Variants in ACTN1 observed in about 807,000 individuals in gnomAD.
ACTN1 encodes actinin alpha 1, also known as alpha-actinin-1.
Under a neutral mutation model 119.6 loss-of-function variants are expected in ACTN1, and 30 were observed. The observed-to-expected ratio is 0.25, with a 90% CI of 0.19 to 0.34. The LOEUF is 0.34. Among genes scored for constraint, ACTN1 ranks in the 10% least tolerant of loss-of-function variants. ACTN1 has a pLI of 1.00. For synonymous variants in ACTN1, 429 were observed against 472.6 expected (o/e 0.91, Z 1.20); for missense variants, 764 against 1,223.4 (o/e 0.62, Z 5.60).
intron 4 of ACTN1, among the ~76,000 whole-genome samples, chr14:68,910,654 AC>A (rs745781267): frequency 2.1e-5 from 3 of 144,002 alleles, no homozygotes; most frequent in South Asian, 2.6e-4. Flanking sequence ...AAACCACACT[AC>A]CCCCCTGCTA....
intron 8 of ACTN1, among the ~76,000 whole-genome samples, chr14:68,896,982 GTTTGTTTT>G (rs2032925723): frequency 6.6e-6 from 1 of 152,038 alleles, no homozygotes; most frequent in Non-Finnish European, 1.5e-5. Context: ...TGGTTGTTTT[GTTTGTTTT>G]TTTGTTTTTT....
rs139710798 is a variant in ACTN1, at chr14:68,892,254, C to A, written c.885G>T (p.Pro295=). 5.0e-6 allele frequency: 8 copies of A among 1,613,480 alleles called. No homozygotes were observed. The South Asian group carries it at 6.6e-5, about 13-fold the overall frequency. The change falls in exon 10 of 22, where the codon CCG becomes CCT. Residue 295 remains proline, a synonymous_variant. Coordinates refer to ENST00000394419, the MANE Select transcript of ACTN1 (RefSeq NM_001130004.2). ...TCTCGGGCACCCGGTTCTCCAGCCACGGGATTGTGCGGCGGATCCACTCCA... is the reference window on the plus strand; with the variant it reads ...TCTCGGGCACCCGGTTCTCCAGCCAAGGGATTGTGCGGCGGATCCACTCCA... The part of the protein sequence containing the change: ...DLLEWIRRTI[P]WLENRVPENT...
Position 68,874,827 on chromosome 14 carries a change from C to T in ACTN1, c.*32G>A, listed in dbSNP as rs149327982. ...GGCGGAGGTGCAAGGCAGGGCACGG[C>T]GCACAAGACGAGGGCGGCCGGGCGG... On this transcript the variant is annotated 3_prime_UTR_variant, in exon 22 of 22. Coordinates refer to ENST00000394419, the MANE Select transcript of ACTN1 (RefSeq NM_001130004.2). The T allele has an allele frequency of 1.3e-6, 2 of 1,532,726 alleles. No individual in the cohort carries two copies. Among genetic ancestry groups the T allele is most frequent in the African/African-American group, 1.4e-5 (1 of 73,322 alleles). The allele number at this position is 1,532,726 out of a possible 1,614,324, so 94.9% of individuals were successfully genotyped here.
Position 68,874,841 on chromosome 14 carries a change from G to A in ACTN1, c.*18C>T, listed in dbSNP as rs1161367087. ...GCAGGGCACGGCGCACAAGACGAGG[G>A]CGGCCGGGCGGGGTGGATTAGAGGT... On this transcript the variant is annotated 3_prime_UTR_variant, in exon 22 of 22. Coordinates refer to ENST00000394419, the MANE Select transcript of ACTN1 (RefSeq NM_001130004.2). 3 of 1,551,962 alleles carry A rather than the reference G, an allele frequency of 1.9e-6. No individual in the cohort carries two copies. The highest frequency in any genetic ancestry group is 2.6e-6 in the Non-Finnish European group (3 of 1,142,252).
chr14:68,874,877 G>A lies in ACTN1; in HGVS notation c.2727C>T (p.Tyr909=), dbSNP rs759103863. The A allele has an allele frequency of 1.9e-6, 3 of 1,596,960 alleles. No individual in the cohort carries two copies. The highest frequency in any genetic ancestry group is 3.4e-5 in the Admixed American group (2 of 59,654). Residue 909 remains tyrosine, a synonymous_variant, in exon 22 of 22, where the codon TAC becomes TAT. Coordinates refer to ENST00000394419, the MANE Select transcript of ACTN1 (RefSeq NM_001130004.2). ...GGGTGGATTAGAGGTCACTCTCGCCGTACAGCGCCGTGGAGAAGGACATGT... is the reference window on the plus strand; with the variant it reads ...GGGTGGATTAGAGGTCACTCTCGCCATACAGCGCCGTGGAGAAGGACATGT... ...LDYMSFSTAL[Y]GESDL is the part of the protein sequence containing the mutation.
intron 7 of ACTN1, among the ~76,000 whole-genome samples, chr14:68,903,258 T>C (rs1365779259): frequency 1.3e-5 from 2 of 152,200 alleles, no homozygotes. Context: ...TTTGAAAATT[T>C]TCCTCATGAC....
intron 1 of ACTN1, among the ~76,000 whole-genome samples, chr14:68,958,319 C>A (rs2036419372): frequency 6.6e-6 from 1 of 152,146 alleles, no homozygotes; most frequent in African/African-American, 2.4e-5. Context: ...CCTAGACAGA[C>A]TACTAGCAGG....
chr14:68,915,492 T>C (rs1043771768), intron 3 of ACTN1, among the ~76,000 whole-genome samples: 10 of 152,216 alleles, frequency 6.6e-5, no homozygotes, highest in Admixed American at 6.5e-4. Context: ...TGTAAGCCCC[T>C]TGAGGGTAAG....
At chr14:68,907,259 T>TTA (rs1340504356) in intron 6 of ACTN1, among the ~76,000 whole-genome samples, 731 of 73,004 alleles carry the variant, frequency 0.01, 28 homozygotes, top group Non-Finnish European at 0.013. Flanking sequence ...AAGACTCTCT[T>TTA]AAAAAAAAAA....
chr14:68,906,690 G>C (rs2033685633), intron 6 of ACTN1, among the ~76,000 whole-genome samples: 1 of 152,210 alleles, frequency 6.6e-6, no homozygotes, highest in South Asian at 2.1e-4. Context: ...CCCAGTCGGA[G>C]CCCCTCAGCC....
chr14:68,919,028 C>G (rs2034496734), intron 3 of ACTN1, among the ~76,000 whole-genome samples: 1 of 152,228 alleles, frequency 6.6e-6, no homozygotes, highest in Admixed American at 6.5e-5. Flanking sequence ...CCCTGTCTAG[C>G]AACACAGAGC....
At chr14:68,929,270 G>A (rs77402622) in intron 1 of ACTN1, among the ~76,000 whole-genome samples, 1 of 152,096 alleles carries the variant, frequency 6.6e-6, no homozygotes, top group Non-Finnish European at 1.5e-5. Context: ...AGCATGAGGG[G>A]GTGGCACCTG....
rs2031878431 is a variant in ACTN1 at position 68,885,046 on chromosome 14, C to T, written c.1386-163G>A. Among the ~76,000 whole-genome samples the T allele has an allele frequency of 6.6e-6, 1 of 152,166 alleles. No individual in the cohort carries two copies. Among genetic ancestry groups the T allele is most frequent in the Admixed American group, 6.5e-5 (1 of 15,280 alleles). ...CACTCCTTCCACCCCTCCCCTCTTTCAGGAGACTGGCAGAGAGGAGACCAA... is the reference window on the plus strand; with the variant it reads ...CACTCCTTCCACCCCTCCCCTCTTTTAGGAGACTGGCAGAGAGGAGACCAA... On this transcript the variant is annotated intron_variant, in intron 12 of 21. Transcript: ENST00000394419. The surrounding 1 kb of genome is among the most constrained non-coding windows in gnomAD (Gnocchi z 5.6).
intron 3 of ACTN1, among the ~76,000 whole-genome samples, chr14:68,915,531 G>C (rs1167852039): frequency 2.0e-5 from 3 of 152,224 alleles, no homozygotes; most frequent in Non-Finnish European, 4.4e-5. Flanking sequence ...TCACTGCTTA[G>C]AGTTCAGTAT....
intron 8 of ACTN1, among the ~76,000 whole-genome samples, chr14:68,896,883 C>A (rs1411501115): frequency 3.3e-5 from 5 of 152,240 alleles, no homozygotes; most frequent in Admixed American, 3.3e-4. Context: ...AGAAAATATT[C>A]TCTGGAAATG....
chr14:68,883,059 G>C lies in ACTN1; in HGVS notation c.1636-4C>G. 1 of 1,613,384 alleles carries C rather than the reference G, an allele frequency of 6.2e-7. No homozygotes were observed. ...GCTCATGGGCTGTGGTCAGTCCCTG[G>C]ACAGAGATGGGAATATGTGGGCAAG... On this transcript the variant is annotated splice_region_variant and splice_polypyrimidine_tract_variant and intron_variant, in intron 14 of 21. Transcript: ENST00000394419.
In ACTN1 at chr14:68,882,182, T is replaced by G. The variant is rs1031748762; in HGVS notation, c.1953+276A>C. ...AACTCCTGACCTCAGGTGATCCACC[T>G]GCCTCGGCCTCCCAAAGTGCTGGGA... On this transcript the variant is annotated intron_variant, in intron 16 of 21. Coordinates refer to ENST00000394419, the MANE Select transcript of ACTN1 (RefSeq NM_001130004.2). This position sits in a 1 kb window ranked among gnomAD's most constrained non-coding sequence, Gnocchi z 4.5. Among the ~76,000 whole-genome samples, 4 of 152,068 alleles carry G rather than the reference T, an allele frequency of 2.6e-5. 1 individual carries two copies. The highest frequency in any genetic ancestry group is 4.4e-5 in the Non-Finnish European group (3 of 68,018).
chr14:68,933,940 A>G (rs2035357004), intron 1 of ACTN1, among the ~76,000 whole-genome samples: 1 of 151,190 alleles, frequency 6.6e-6, no homozygotes, highest in African/African-American at 2.4e-5. Context: ...TTGTGTCACT[A>G]CAGTCCAACC....
In ACTN1 at chr14:68,879,889, G is replaced by C. The variant is rs1354722317; in HGVS notation, c.2280+73C>G. On this transcript the variant is annotated intron_variant, in intron 18 of 21. Coordinates refer to ENST00000394419, the MANE Select transcript of ACTN1 (RefSeq NM_001130004.2). This position sits in a 1 kb window ranked among gnomAD's most constrained non-coding sequence, Gnocchi z 4.9. ...TCACTTGCATGGCAGCCCACGTCCC[G>C]GGGAAGTGCCCTCCAGGGCCCTGGG... The C allele has an allele frequency of 3.8e-6, 6 of 1,560,876 alleles. No individual in the cohort carries two copies. The highest frequency in any genetic ancestry group is 5.2e-6 in the Non-Finnish European group (6 of 1,147,518).
Sources: gnomAD v4.1 joint callset for allele counts (sites outside exome capture counted in the v4.1 genomes callset) on GRCh38, gnomAD v4.1.1 for gene constraint, Gnocchi (gnomAD v3.1) non-coding constraint, MANE v1.5 for transcripts, NCBI Gene and HGNC (gene_info 2026-07-23, HGNC 2026-07-21) for gene names.